The following AGPAT4 variants were observed in gnomAD, a reference collection of about 807,000 sequenced individuals.
AGPAT4 encodes 1-acyl-sn-glycerol-3-phosphate acyltransferase delta.
AGPAT4 carries 15 observed loss-of-function variants against 48.0 expected under a neutral mutation model. That is an observed-to-expected ratio of 0.31 (90% CI 0.21 to 0.48). The LOEUF (loss-of-function observed/expected upper bound fraction) is 0.48. AGPAT4 is among the 20% of genes least tolerant of loss of function. AGPAT4 has a pLI of 0.99. For missense variants in AGPAT4, 314 were observed against 482.5 expected (o/e 0.65, Z 3.27); for synonymous variants, 178 against 198.7 (o/e 0.90, Z 0.88).
Position 161,136,476 on chromosome 6 carries a change from AAGG to A in AGPAT4, c.*61_*63del, listed in dbSNP as rs145549477. 0.042 allele frequency: 61,361 copies of A among 1,448,010 alleles called. 1,497 individuals are homozygous for A. The highest frequency in any genetic ancestry group is 0.046 in the Middle Eastern group (265 of 5,760). 89.7% of individuals were successfully genotyped at this position (1,448,010 alleles called of 1,614,324 possible). A position where few individuals can be genotyped will look rare whatever the true frequency, so the allele number is the denominator to read the frequency against. On this transcript the variant is annotated 3_prime_UTR_variant, in exon 9 of 9. Coordinates refer to ENST00000320285, the MANE Select transcript of AGPAT4 (RefSeq NM_020133.3). ...CCAGCCTTTGTCACCGTGTCCCACTAAGGAGGATATGCAGAGGCCACCAGTTCC... is the reference window on the plus strand; with the variant it reads ...CCAGCCTTTGTCACCGTGTCCCACTAAGGATATGCAGAGGCCACCAGTTCC...
intron 2 of AGPAT4, among the ~76,000 whole-genome samples, chr6:161,168,715 C>T (rs1780181897): frequency 6.6e-6 from 1 of 152,226 alleles, no homozygotes; most frequent in Non-Finnish European, 1.5e-5. Flanking sequence ...CTCCAGCTTA[C>T]TGTCCAGGGA....
At position 161,198,414 on chromosome 6, in the gene AGPAT4, G is replaced by A. The variant is rs1489682099; in HGVS notation, c.179-31997C>T. On this transcript the variant is annotated intron_variant, in intron 2 of 8. Transcript: ENST00000320285. This position sits in a 1 kb window ranked among gnomAD's most constrained non-coding sequence, Gnocchi z 4.3. ...TTCATTAAGGGTAGGAGCCAGAGATGCTGTTAAGCATCCTACAATGCACAG... is the reference window on the plus strand; with the variant it reads ...TTCATTAAGGGTAGGAGCCAGAGATACTGTTAAGCATCCTACAATGCACAG... Among the ~76,000 whole-genome samples, 1 of 152,336 alleles carries A rather than the reference G, an allele frequency of 6.6e-6. No homozygotes were observed. Among genetic ancestry groups the A allele is most frequent in the East Asian group, 1.9e-4 (1 of 5,188 alleles).
chr6:161,153,646 G>T (rs1779660769), intron 4 of AGPAT4, 147 bp from the exon 5 acceptor site: 1 of 983,732 alleles, frequency 1.0e-6, no homozygotes, highest in Non-Finnish European at 1.5e-6. Context: ...CAGCCCTGAG[G>T]TCACACACAG....
At chr6:161,151,146 C>T (rs1172244097) in intron 5 of AGPAT4, among the ~76,000 whole-genome samples, 2 of 152,200 alleles carry the variant, frequency 1.3e-5, no homozygotes, top group Non-Finnish European at 2.9e-5. Context: ...GCTGCCAGCC[C>T]CCGCCAGCCA....
In AGPAT4 at chr6:161,154,373, G is replaced by A; in HGVS notation, c.349-63C>T. The A allele has an allele frequency of 1.3e-6, 2 of 1,591,344 alleles. No homozygotes were observed. The highest frequency in any genetic ancestry group is 1.7e-6 in the Non-Finnish European group (2 of 1,165,150). ...GACGTCAGAGCCACCTGCCGGGGCT[G>A]TTGGAGACTGAAGTAGAAAAAGAGG... On this transcript the variant is annotated intron_variant, in intron 3 of 8. Transcript: ENST00000320285. The surrounding 1 kb of genome is among the most constrained non-coding windows in gnomAD (Gnocchi z 7.8).
chr6:161,253,239 G>A (rs1782852511), intron 1 of AGPAT4, among the ~76,000 whole-genome samples: 1 of 150,334 alleles, frequency 6.7e-6, no homozygotes, highest in Non-Finnish European at 1.5e-5. Context: ...AAATGTATAT[G>A]ATATGATCCA....
In AGPAT4 at chr6:161,201,660, C is replaced by T. The variant is rs901327788; in HGVS notation, c.178+30376G>A. On this transcript the variant is annotated intron_variant, in intron 2 of 8. Coordinates refer to ENST00000320285, the MANE Select transcript of AGPAT4 (RefSeq NM_020133.3). This position sits in a 1 kb window ranked among gnomAD's most constrained non-coding sequence, Gnocchi z 6.0. ...AGATTCCTAGATCTGGAGAGAGGAG[C>T]CTGAGATTCCCCACTTGTAGCAATT... 6.6e-6 allele frequency among the ~76,000 whole-genome samples: 1 copy of T among 152,134 alleles called. No homozygotes were observed. The highest frequency in any genetic ancestry group is 2.4e-5 in the African/African-American group (1 of 41,426).
chr6:161,201,990 G>A lies in AGPAT4; in HGVS notation c.178+30046C>T, dbSNP rs1227665039. The stretch of plus-strand genomic sequence containing the variant: ...CTAAAGGCCACTATAAGCCATTTAA[G>A]ACTTATCATAAGTGTTCCTCCTCCA... On this transcript the variant is annotated intron_variant, in intron 2 of 8. Transcript: ENST00000320285. The surrounding 1 kb of genome is among the most constrained non-coding windows in gnomAD (Gnocchi z 6.0). 6.6e-6 allele frequency among the ~76,000 whole-genome samples: 1 copy of A among 152,156 alleles called. No individual in the cohort carries two copies. The highest frequency in any genetic ancestry group is 1.5e-5 in the Non-Finnish European group (1 of 68,028).
In AGPAT4 at chr6:161,169,125, A is replaced by C. The variant is rs1780195705; in HGVS notation, c.179-2708T>G. Among the ~76,000 whole-genome samples the C allele has an allele frequency of 6.6e-6, 1 of 152,190 alleles. No individual in the cohort carries two copies. The highest frequency in any genetic ancestry group is 1.5e-5 in the Non-Finnish European group (1 of 68,030). ...GAGGAGACAGAGGCAGATGGAGAGAAACCCAGAGAGAGAACATCACAGAGA... is the reference window on the plus strand; with the variant it reads ...GAGGAGACAGAGGCAGATGGAGAGACACCCAGAGAGAGAACATCACAGAGA... On this transcript the variant is annotated intron_variant, in intron 2 of 8. Transcript: ENST00000320285. This position sits in a 1 kb window ranked among gnomAD's most constrained non-coding sequence, Gnocchi z 5.0.
chr6:161,196,838 A>G lies in AGPAT4; in HGVS notation c.179-30421T>C, dbSNP rs1053748240. Among the ~76,000 whole-genome samples the G allele has an allele frequency of 2.0e-5, 3 of 150,496 alleles. No homozygotes were observed. The highest frequency in any genetic ancestry group is 3.4e-3 in the Middle Eastern group (1 of 290). On this transcript the variant is annotated intron_variant, in intron 2 of 8. Coordinates refer to ENST00000320285, the MANE Select transcript of AGPAT4 (RefSeq NM_020133.3). This position sits in a 1 kb window ranked among gnomAD's most constrained non-coding sequence, Gnocchi z 4.3. ...CGCCAAAAAAAAAAAAAAAATGCCA[A>G]GGAGAGGAAAAGCTAGAGGAATGAG...
In AGPAT4 at chr6:161,245,572, AG is replaced by A; in HGVS notation, c.-89-13271del. On this transcript the variant is annotated intron_variant, in intron 1 of 8. Transcript: ENST00000320285. This position sits in a 1 kb window ranked among gnomAD's most constrained non-coding sequence, Gnocchi z 5.2. ...TTACTTTTTGTGGGGTGGTTCAGCG[AG>A]GGGCTGCTCAGGGGAGCAGTTTAGG... 6.6e-6 allele frequency among the ~76,000 whole-genome samples: 1 copy of A among 152,114 alleles called. No individual in the cohort carries two copies. Among genetic ancestry groups the A allele is most frequent in the East Asian group, 1.9e-4 (1 of 5,184 alleles).
At chr6:161,190,575 A>G (rs1410762052) in intron 2 of AGPAT4, among the ~76,000 whole-genome samples, 4 of 140,036 alleles carry the variant, frequency 2.9e-5, no homozygotes, top group Non-Finnish European at 6.1e-5. Context: ...CTTTACCCAG[A>G]AGAAACCAAG....
Position 161,243,460 on chromosome 6 carries a change from C to T in AGPAT4, c.-89-11158G>A, listed in dbSNP as rs1042988266. Among the ~76,000 whole-genome samples the T allele has an allele frequency of 7.2e-5, 11 of 152,208 alleles. No homozygotes were observed. The highest frequency in any genetic ancestry group is 1.9e-4 in the African/African-American group (8 of 41,454). On this transcript the variant is annotated intron_variant, in intron 1 of 8. Transcript: ENST00000320285. The surrounding 1 kb of genome is among the most constrained non-coding windows in gnomAD (Gnocchi z 4.8). ...TCACGTCAGAGCCTCGGCCATCCTGCGCACTTGGCCCACCACAAGGCTGTG... is the reference window on the plus strand; with the variant it reads ...TCACGTCAGAGCCTCGGCCATCCTGTGCACTTGGCCCACCACAAGGCTGTG...
chr6:161,152,064 AGCT>A (rs1359228119), intron 5 of AGPAT4, among the ~76,000 whole-genome samples: 10 of 152,152 alleles, frequency 6.6e-5, no homozygotes, highest in Non-Finnish European at 1.5e-4. Context: ...GGCCCAAGTG[AGCT>A]GCTGAGACTC....
chr6:161,139,289 CTG>C lies in AGPAT4; in HGVS notation c.1042+131_1042+132del, dbSNP rs1405580709. On this transcript the variant is annotated intron_variant, in intron 8 of 8. Transcript: ENST00000320285. The surrounding 1 kb of genome is among the most constrained non-coding windows in gnomAD (Gnocchi z 9.1). ...ACTCATCCTGAAGTCTAATCTTTCCCTGTGATTGCAAGCTGAGCCTGCTCCTC... is the reference window on the plus strand; with the variant it reads ...ACTCATCCTGAAGTCTAATCTTTCCCTGATTGCAAGCTGAGCCTGCTCCTC... 6 of 1,040,346 alleles carry C rather than the reference CTG, an allele frequency of 5.8e-6. No homozygotes were observed. In the East Asian group the frequency reaches 1.4e-4, roughly 25 times the overall value. 64.4% of individuals were successfully genotyped at this position (1,040,346 alleles called of 1,614,324 possible). A position where few individuals can be genotyped will look rare whatever the true frequency, so the allele number is the denominator to read the frequency against.
Position 161,264,541 on chromosome 6 carries a change from G to A in AGPAT4, c.-90+9397C>T, listed in dbSNP as rs1783192843. Among the ~76,000 whole-genome samples the A allele has an allele frequency of 6.6e-6, 1 of 152,212 alleles. No individual in the cohort carries two copies. The highest frequency in any genetic ancestry group is 1.5e-5 in the Non-Finnish European group (1 of 68,040). On this transcript the variant is annotated intron_variant, in intron 1 of 8. Transcript: ENST00000320285. This position sits in a 1 kb window ranked among gnomAD's most constrained non-coding sequence, Gnocchi z 6.8. Reference sequence around the variant, plus strand: ...CAGACTGGGCAGGGGTGGTGAGGTGGTCCCCCTGGCGTGCCCGCGCATCCC... The same window carrying A: ...CAGACTGGGCAGGGGTGGTGAGGTGATCCCCCTGGCGTGCCCGCGCATCCC...
At position 161,198,181 on chromosome 6, in the gene AGPAT4, A is replaced by T. The variant is rs900208431; in HGVS notation, c.179-31764T>A. 6.6e-6 allele frequency among the ~76,000 whole-genome samples: 1 copy of T among 152,242 alleles called. No homozygotes were observed. The highest frequency in any genetic ancestry group is 1.5e-5 in the Non-Finnish European group (1 of 68,054). ...CTTATTCTCAATATTAAAAGTGGAT[A>T]TGCAAAAGATATTTATATTCTTTCC... On this transcript the variant is annotated intron_variant, in intron 2 of 8. Coordinates refer to ENST00000320285, the MANE Select transcript of AGPAT4 (RefSeq NM_020133.3). This position sits in a 1 kb window ranked among gnomAD's most constrained non-coding sequence, Gnocchi z 4.3.
chr6:161,215,195 CT>C lies in AGPAT4; in HGVS notation c.178+16840del, dbSNP rs111851797. Among the ~76,000 whole-genome samples the C allele has an allele frequency of 7.1e-4, 108 of 152,310 alleles. No homozygotes were observed. The highest frequency in any genetic ancestry group is 2.4e-3 in the African/African-American group (101 of 41,568). On this transcript the variant is annotated intron_variant, in intron 2 of 8. Transcript: ENST00000320285. This position sits in a 1 kb window ranked among gnomAD's most constrained non-coding sequence, Gnocchi z 4.5. The stretch of plus-strand genomic sequence containing the variant: ...AATTTGGCAAGCTACATTAATGACC[CT>C]ATTTAACTTATGATCCTACTCTTCC...
In AGPAT4 at chr6:161,154,326, G is replaced by T; in HGVS notation, c.349-16C>A. ...CCTTGGAGCCCTGAAACAGAAGAAG[G>T]AGCCCAGGTGCCCATGAAGGAGACG... On this transcript the variant is annotated splice_polypyrimidine_tract_variant and intron_variant, in intron 3 of 8. Coordinates refer to ENST00000320285, the MANE Select transcript of AGPAT4 (RefSeq NM_020133.3). This position sits in a 1 kb window ranked among gnomAD's most constrained non-coding sequence, Gnocchi z 7.8. The T allele has an allele frequency of 6.2e-7, 1 of 1,613,802 alleles. No individual in the cohort carries two copies. The highest frequency in any genetic ancestry group is 1.1e-5 in the South Asian group (1 of 91,054).
Sources: allele counts gnomAD v4.1 joint callset (sites outside exome capture counted in the v4.1 genomes callset), GRCh38; gene constraint gnomAD v4.1.1; non-coding constraint Gnocchi (gnomAD v3.1); transcripts MANE v1.5; gene names NCBI Gene and HGNC (gene_info 2026-07-23, HGNC 2026-07-21).